The following NR3C2 variants were observed in gnomAD, a reference collection of about 807,000 sequenced individuals.
NR3C2 encodes nuclear receptor subfamily 3 group C member 2, also known as mineralocorticoid receptor.
Under a neutral mutation model 86.4 loss-of-function variants are expected in NR3C2, and 15 were observed. That is an observed-to-expected ratio of 0.17 (90% CI 0.12 to 0.27). The LOEUF is 0.27. Ranked by LOEUF, NR3C2 falls within the 10% of genes least tolerant of loss-of-function variation. The pLI, the probability that NR3C2 is intolerant of heterozygous loss-of-function variation, is 1.00. For missense variants in NR3C2, 960 were observed against 1,195.6 expected, an observed-to-expected ratio of 0.80 and a Z score of 2.91; for synonymous variants, 458 against 450.5, an observed-to-expected ratio of 1.02 and a Z score of -0.21.
At chr4:148,310,871 C>T (rs1459093046) in intron 2 of NR3C2, among the ~76,000 whole-genome samples, 2 of 152,152 alleles carry the variant, frequency 1.3e-5, no homozygotes, top group Admixed American at 6.6e-5. Flanking sequence ...CTCCCTGTCT[C>T]CAGTTTCTCT....
chr4:148,169,004 A>G (rs1735003989), intron 4 of NR3C2, among the ~76,000 whole-genome samples: 1 of 152,204 alleles, frequency 6.6e-6, no homozygotes, highest in East Asian at 1.9e-4. Flanking sequence ...TGACCTGACT[A>G]TCAAAGCCCT....
At chr4:148,394,210 T>C (rs1747738154) in intron 2 of NR3C2, among the ~76,000 whole-genome samples, 1 of 152,144 alleles carries the variant, frequency 6.6e-6, no homozygotes, top group Admixed American at 6.5e-5. Flanking sequence ...GCTGCCTGAC[T>C]GGGCCCAGCT....
chr4:148,263,473 T>C (rs1257169970), intron 2 of NR3C2, among the ~76,000 whole-genome samples: 2 of 152,224 alleles, frequency 1.3e-5, no homozygotes, highest in Non-Finnish European at 2.9e-5. Context: ...CCAAGGGTTC[T>C]TCCATAACTC....
intron 2 of NR3C2, among the ~76,000 whole-genome samples, chr4:148,377,545 T>C (rs1203627314): frequency 6.6e-6 from 1 of 152,086 alleles, no homozygotes; most frequent in Non-Finnish European, 1.5e-5. Flanking sequence ...CAGATGAATT[T>C]GGGGGAAGCA....
intron 6 of NR3C2, among the ~76,000 whole-genome samples, chr4:148,142,604 C>T (rs1733666620): frequency 6.6e-6 from 1 of 152,148 alleles, no homozygotes; most frequent in African/African-American, 2.4e-5. Context: ...AAGTGATACT[C>T]CCACCTCAGC....
intron 2 of NR3C2, among the ~76,000 whole-genome samples, chr4:148,272,816 A>G (rs1740757128): frequency 6.6e-6 from 1 of 152,222 alleles, no homozygotes; most frequent in Non-Finnish European, 1.5e-5. Context: ...ATACATATCA[A>G]AGCAAACATG....
At chr4:148,394,762 A>G (rs1561082620) in intron 2 of NR3C2, among the ~76,000 whole-genome samples, 1 of 152,150 alleles carries the variant, frequency 6.6e-6, no homozygotes, top group Admixed American at 6.5e-5. Flanking sequence ...AAATTATAGA[A>G]AGATAATCTG....
At chr4:148,280,236 C>G (rs1203987313) in intron 2 of NR3C2, among the ~76,000 whole-genome samples, 1 of 152,132 alleles carries the variant, frequency 6.6e-6, no homozygotes, top group Non-Finnish European at 1.5e-5. Flanking sequence ...CATAATTTTT[C>G]TGAAGTGCAC....
chr4:148,151,064 G>C (rs893584998), intron 6 of NR3C2, among the ~76,000 whole-genome samples: 1 of 152,134 alleles, frequency 6.6e-6, no homozygotes, highest in Non-Finnish European at 1.5e-5. Context: ...AAAAGTATTG[G>C]ATGTGGATAG....
intron 3 of NR3C2, among the ~76,000 whole-genome samples, chr4:148,210,594 CAT>C (rs890890194): frequency 6.6e-6 from 1 of 152,170 alleles, no homozygotes; most frequent in Non-Finnish European, 1.5e-5. Context: ...TTCTTTTATG[CAT>C]ATTCCCAAAG....
intron 4 of NR3C2, among the ~76,000 whole-genome samples, chr4:148,189,078 G>A (rs190369726): frequency 2.9e-4 from 44 of 151,916 alleles, no homozygotes; most frequent in African/African-American, 8.7e-4. Context: ...ACAGGTGCGC[G>A]CCACCACCCC....
At chr4:148,357,643 TTA>T (rs1181190216) in intron 2 of NR3C2, among the ~76,000 whole-genome samples, 1 of 152,200 alleles carries the variant, frequency 6.6e-6, no homozygotes, top group Non-Finnish European at 1.5e-5. Context: ...TGACAAGCTT[TTA>T]TGTTACATAC....
At chr4:148,098,436 T>C (rs986226958) in intron 8 of NR3C2, among the ~76,000 whole-genome samples, 1 of 151,916 alleles carries the variant, frequency 6.6e-6, no homozygotes, top group African/African-American at 2.4e-5. Flanking sequence ...TTGTGGGCCA[T>C]CTCAACAGTA....
chr4:148,158,813 G>A (rs1009732605), intron 4 of NR3C2, among the ~76,000 whole-genome samples: 3 of 152,188 alleles, frequency 2.0e-5, no homozygotes, highest in African/African-American at 7.2e-5. Flanking sequence ...CAAGGCTGTG[G>A]TCTGTAGCAT....
At chr4:148,234,114 G>A (rs1738611746) in intron 3 of NR3C2, among the ~76,000 whole-genome samples, 1 of 152,166 alleles carries the variant, frequency 6.6e-6, no homozygotes, top group Admixed American at 6.5e-5. Context: ...TCATCCACAA[G>A]CAATCTCCCA....
At chr4:148,136,063 A>AC (rs1733304775) in intron 6 of NR3C2, among the ~76,000 whole-genome samples, 16 of 58,018 alleles carry the variant, frequency 2.8e-4, no homozygotes, top group African/African-American at 7.5e-4. Flanking sequence ...TCTCAAAAAA[A>AC]AAAAAAAAAA....
chr4:148,246,645 G>A (rs1399827182), intron 3 of NR3C2, among the ~76,000 whole-genome samples: 1 of 152,052 alleles, frequency 6.6e-6, no homozygotes, highest in African/African-American at 2.4e-5. Flanking sequence ...TCTGTCTCCC[G>A]GGTTCAAGCA....
At position 148,121,581 on chromosome 4, in the gene NR3C2, A is replaced by G. The variant is rs527662065; in HGVS notation, c.2511-1293T>C. 1.0e-3 allele frequency among the ~76,000 whole-genome samples: 155 copies of G among 152,180 alleles called. 1 individual carries two copies. The highest frequency in any genetic ancestry group is 3.4e-3 in the Admixed American group (52 of 15,282). On this transcript the variant is annotated intron_variant, in intron 6 of 8. Coordinates refer to ENST00000358102, the MANE Select transcript of NR3C2 (RefSeq NM_000901.5). ...AAGGCCCACTCTGCCTTCTTCCCCA[A>G]TCCCATCCATCTCTTCCTCTTTCAA...
rs137968822 is a variant in NR3C2, at chr4:148,374,149, T to C, written c.1757+60955A>G. ...CTCTATGAATGATATCAAATAACAA[T>C]AGCCTATCATAAAAGAAAAATGATC... On this transcript the variant is annotated intron_variant, in intron 2 of 8. Transcript: ENST00000358102. Among the ~76,000 whole-genome samples the C allele has an allele frequency of 3.6e-3, 554 of 152,268 alleles. 2 individuals carry two copies. Among genetic ancestry groups the C allele is most frequent in the African/African-American group, 0.013 (525 of 41,536 alleles).
Sources: allele counts gnomAD v4.1 joint callset (sites outside exome capture counted in the v4.1 genomes callset), GRCh38; gene constraint gnomAD v4.1.1; transcripts MANE v1.5; gene names NCBI Gene and HGNC (gene_info 2026-07-23, HGNC 2026-07-21).